The following MAPDA variants were observed in gnomAD, a reference collection of about 807,000 sequenced individuals.
MAPDA encodes the protein N6-Methyl-AMP deaminase.
chr15:43,337,382 T>C, the MAPDA span, among the ~76,000 whole-genome samples: 3 of 151,790 alleles, frequency 2.0e-5, no homozygotes, highest in Non-Finnish European at 4.4e-5. Flanking sequence ...GTGGACATTA[T>C]AGAGAAGGAA....
the MAPDA span, among the ~76,000 whole-genome samples, chr15:43,348,494 A>G: frequency 2.7e-3 from 404 of 152,334 alleles, 14 homozygotes; most frequent in South Asian, 0.037. Context: ...TTGTGTTTAT[A>G]GTTTTTCAGA....
chr15:43,351,028 C>T, the MAPDA span: 1 of 1,551,510 alleles, frequency 6.4e-7, no homozygotes. Flanking sequence ...ATTGCCCATC[C>T]TTCTGTGATC....
At chr15:43,333,017 A>G in the MAPDA span, among the ~76,000 whole-genome samples, 2 of 152,170 alleles carry the variant, frequency 1.3e-5, no homozygotes, top group Admixed American at 6.5e-5. Flanking sequence ...TTTAATTTCC[A>G]TAGGTTAACA....
chr15:43,351,986 C>A, the MAPDA span: 4 of 1,519,492 alleles, frequency 2.6e-6, no homozygotes, highest in Non-Finnish European at 3.5e-6. Context: ...GTGTTTCAAT[C>A]AAGTTCCTGC....
chr15:43,341,059 GA>G, the MAPDA span, among the ~76,000 whole-genome samples: 1 of 152,188 alleles, frequency 6.6e-6, no homozygotes. Flanking sequence ...CTATGATCTG[GA>G]GGAATTTCCT....
At chr15:43,352,032 T>G in the MAPDA span, 1 of 1,353,370 alleles carries the variant, frequency 7.4e-7, no homozygotes, top group Non-Finnish European at 9.9e-7. Flanking sequence ...ACCACTCCTT[T>G]GAAGCATAGC....
At chr15:43,347,151 G>GTT in the MAPDA span, 1 of 1,426,328 alleles carries the variant, frequency 7.0e-7, no homozygotes, top group Non-Finnish European at 9.8e-7. Context: ...AAATAATAGG[G>GTT]TCATTTGTAA....
the MAPDA span, among the ~76,000 whole-genome samples, chr15:43,339,084 T>C: frequency 1.3e-4 from 20 of 152,226 alleles, no homozygotes; most frequent in Non-Finnish European, 2.5e-4. Context: ...TTCCTCAACC[T>C]ATTAATACAA....
At chr15:43,338,972 A>C in the MAPDA span, among the ~76,000 whole-genome samples, 1 of 152,252 alleles carries the variant, frequency 6.6e-6, no homozygotes, top group East Asian at 1.9e-4. Flanking sequence ...CCTCACTTCA[A>C]CCGTATTCCT....
At chr15:43,352,562 T>C in the MAPDA span, 71,000 of 152,010 alleles carry the variant, frequency 0.47, 21,574 homozygotes, top group African/African-American at 0.87. Context: ...CGGAAATTAG[T>C]CAGGCACGGT....
At chr15:43,338,811 G>T in the MAPDA span, among the ~76,000 whole-genome samples, 1 of 152,186 alleles carries the variant, frequency 6.6e-6, no homozygotes, top group Non-Finnish European at 1.5e-5. Context: ...TGGTTCTGTA[G>T]GCTTCACTGT....
the MAPDA span, among the ~76,000 whole-genome samples, chr15:43,339,012 C>A: frequency 6.6e-6 from 1 of 152,248 alleles, no homozygotes; most frequent in Non-Finnish European, 1.5e-5. Context: ...GCATTAGTCT[C>A]ATGTGAGCTG....
At chr15:43,340,600 A>G in the MAPDA span, among the ~76,000 whole-genome samples, 1 of 152,164 alleles carries the variant, frequency 6.6e-6, no homozygotes, top group South Asian at 2.1e-4. Flanking sequence ...AACATAGCTC[A>G]CTGTAACCAC....
the MAPDA span, among the ~76,000 whole-genome samples, chr15:43,337,935 C>T: frequency 6.6e-6 from 1 of 152,170 alleles, no homozygotes; most frequent in East Asian, 1.9e-4. Context: ...GCATTAGACA[C>T]ACACATAAGG....
chr15:43,332,040 A>G, the MAPDA span: 1 of 152,234 alleles, frequency 6.6e-6, no homozygotes, highest in Non-Finnish European at 1.5e-5. Flanking sequence ...GATCCTGGGC[A>G]CGTATTAGTT....
the MAPDA span, chr15:43,345,853 G>T: frequency 1.2e-6 from 2 of 1,614,082 alleles, no homozygotes; most frequent in Middle Eastern, 1.6e-4. Context: ...TTACATTAAA[G>T]GTATTTGATA....
the MAPDA span, among the ~76,000 whole-genome samples, chr15:43,333,148 G>T: frequency 3.8e-4 from 58 of 152,236 alleles, no homozygotes; most frequent in African/African-American, 1.3e-3. Flanking sequence ...CTGGCCGGGC[G>T]CAGTGGCTCG....
At chr15:43,349,131 G>A in the MAPDA span, 68 of 1,581,454 alleles carry the variant, frequency 4.3e-5, no homozygotes, top group Admixed American at 2.1e-4. Flanking sequence ...GAGAAGTACT[G>A]TTCTAAAAGT....
chr15:43,336,724 T>C, the MAPDA span: 1 of 1,468,008 alleles, frequency 6.8e-7, no homozygotes, highest in Non-Finnish European at 9.1e-7. Context: ...GTTTAAAAAT[T>C]ATGAAGTAAT....
Sources: allele counts gnomAD v4.1 joint callset (sites outside exome capture counted in the v4.1 genomes callset), GRCh38; gene constraint gnomAD v4.1.1; transcripts MANE v1.5; gene names NCBI Gene and HGNC (gene_info 2026-07-23, HGNC 2026-07-21).